SFSWAP: variants seen among roughly 807,000 people sequenced by gnomAD.
The protein encoded by SFSWAP is splicing factor SWAP, also known as splicing factor, suppressor of white-apricot homolog.
SFSWAP carries 17 observed loss-of-function variants against 100.7 expected under a neutral mutation model. The observed-to-expected ratio is 0.17, with a 90% confidence interval of 0.12 to 0.25. The LOEUF is 0.25. Among genes scored for constraint, SFSWAP ranks in the 10% least tolerant of loss-of-function variants. The pLI, the probability that SFSWAP is intolerant of heterozygous loss-of-function variation, is 1.00. For synonymous variants in SFSWAP, 504 were observed against 510.1 expected (o/e 0.99, Z 0.16); for missense variants, 1,005 against 1,262.6 (o/e 0.80, Z 3.09).
At chr12:131,797,501 C>T (rs1358190116) in intron 16 of SFSWAP, 141 bp downstream of exon 16, 1 of 728,848 alleles carries the variant, frequency 1.4e-6, no homozygotes, top group African/African-American at 1.8e-5. Flanking sequence ...ACCGCACCCC[C>T]TCTAGCAAGG....
chr12:131,778,060 C>T lies in SFSWAP; in HGVS notation c.2143-5C>T. On this transcript the variant is annotated splice_region_variant and splice_polypyrimidine_tract_variant and intron_variant, in intron 13 of 17. Coordinates refer to ENST00000261674, the MANE Select transcript of SFSWAP (RefSeq NM_004592.4). The surrounding 1 kb of genome is among the most constrained non-coding windows in gnomAD (Gnocchi z 4.2). ...TTAACACCCAGATTTTCCTTTTATT[C>T]TTAGGAATCCAGCACTACGCCCTGC... 4.4e-6 allele frequency: 7 copies of T among 1,594,354 alleles called. No homozygotes were observed. The highest frequency in any genetic ancestry group is 5.1e-6 in the Non-Finnish European group (6 of 1,173,666).
At chr12:131,777,168 T>C (rs1884091738) in intron 13 of SFSWAP, among the ~76,000 whole-genome samples, 1 of 152,156 alleles carries the variant, frequency 6.6e-6, no homozygotes, top group African/African-American at 2.4e-5. Context: ...ATACTTTAAG[T>C]TTTAGGGTAC....
chr12:131,789,916 T>C (rs984469710), intron 15 of SFSWAP, among the ~76,000 whole-genome samples: 5 of 152,218 alleles, frequency 3.3e-5, no homozygotes, highest in Admixed American at 6.5e-5. Flanking sequence ...AGTCTGCATC[T>C]GCCCCTTCGT....
chr12:131,764,416 C>G, intron 11 of SFSWAP, 40 bp from the exon 12 acceptor site: 2 of 1,549,622 alleles, frequency 1.3e-6, no homozygotes, highest in African/African-American at 2.7e-5. Context: ...AAGATTTCCA[C>G]TCTGTAACAT....
At chr12:131,786,723 C>A (rs929513531) in intron 15 of SFSWAP, 135 bp downstream of exon 15, 11 of 902,658 alleles carry the variant, frequency 1.2e-5, no homozygotes, top group Non-Finnish European at 1.8e-5. Context: ...CCACCACCCC[C>A]CCACCCCCAG....
At chr12:131,768,940 A>G (rs1883347112) in intron 13 of SFSWAP, among the ~76,000 whole-genome samples, 1 of 152,158 alleles carries the variant, frequency 6.6e-6, no homozygotes, top group South Asian at 2.1e-4. Context: ...TCTGGGGTCA[A>G]CATGGTGAAA....
At chr12:131,779,800 T>G (rs1297288162) in intron 14 of SFSWAP, among the ~76,000 whole-genome samples, 3 of 152,272 alleles carry the variant, frequency 2.0e-5, no homozygotes, top group African/African-American at 7.2e-5. Flanking sequence ...ATTTATTTAT[T>G]TAGAGACGGA....
chr12:131,792,573 G>GT (rs1885343859), intron 15 of SFSWAP, among the ~76,000 whole-genome samples: 1 of 150,890 alleles, frequency 6.6e-6, no homozygotes, highest in South Asian at 2.1e-4. Context: ...GATCAGTACT[G>GT]GTGTGCATGC....
intron 7 of SFSWAP, among the ~76,000 whole-genome samples, chr12:131,752,617 C>T (rs1881760480): frequency 6.6e-6 from 1 of 152,182 alleles, no homozygotes; most frequent in Middle Eastern, 3.2e-3. Context: ...GGAGCAGCTG[C>T]CTTACTGAGG....
chr12:131,756,760 C>A, intron 11 of SFSWAP, 116 bp downstream of exon 11: 1 of 894,288 alleles, frequency 1.1e-6, no homozygotes, highest in Non-Finnish European at 1.7e-6. Context: ...GGGTTGGCGG[C>A]CCCCTGGAGG....
intron 4 of SFSWAP, among the ~76,000 whole-genome samples, chr12:131,721,462 G>A (rs1593111313): frequency 6.6e-6 from 1 of 152,106 alleles, no homozygotes; most frequent in African/African-American, 2.4e-5. Context: ...ATGCATGAGA[G>A]ACACATTAAC....
Position 131,726,979 on chromosome 12 carries a change from A to G in SFSWAP, c.872A>G (p.Glu291Gly). The G allele has an allele frequency of 6.2e-7, 1 of 1,607,540 alleles. No individual in the cohort carries two copies. Among genetic ancestry groups the G allele is most frequent in the African/African-American group, 1.3e-5 (1 of 74,764 alleles). Residue 291 changes from glutamate (E) to glycine (G), a missense_variant, in exon 6 of 18, where the codon GAA becomes GGA. Physicochemically the swap from Glu to Gly is moderately conservative, Grantham distance 98 (BLOSUM62 -2). Around this residue, in one of 7 missense-constraint regions of SFSWAP, gnomAD observed 54 missense variants for 51.9 expected, o/e 1.04. Transcript: ENST00000261674. ...VSSDNEDDDD[E>G]EDGNYLHPSL... ...TCTGACAATGAAGATGATGATGATG[A>G]AGAAGATGGGAATTACCTTCATCCC...
intron 10 of SFSWAP, among the ~76,000 whole-genome samples, chr12:131,755,908 T>C (rs796592300): frequency 5.5e-4 from 84 of 152,378 alleles, no homozygotes; most frequent in African/African-American, 1.9e-3. Context: ...CCTCTGCCTG[T>C]GCCTGCACGC....
chr12:131,778,420 A>G lies in SFSWAP; in HGVS notation c.2408+90A>G. 1 of 1,532,016 alleles carries G rather than the reference A, an allele frequency of 6.5e-7. No homozygotes were observed. Among genetic ancestry groups the G allele is most frequent in the Non-Finnish European group, 8.7e-7 (1 of 1,143,024 alleles). 94.9% of individuals were successfully genotyped at this position (1,532,016 alleles called of 1,614,324 possible). On this transcript the variant is annotated intron_variant, in intron 14 of 17. Coordinates refer to ENST00000261674, the MANE Select transcript of SFSWAP (RefSeq NM_004592.4). This position sits in a 1 kb window ranked among gnomAD's most constrained non-coding sequence, Gnocchi z 4.2. The stretch of plus-strand genomic sequence containing the variant: ...AGTAGAGCTAGGTAGAACGTTTAAA[A>G]TCAGTGCCGCTTTCATTAAGCAGAC...
intron 7 of SFSWAP, among the ~76,000 whole-genome samples, chr12:131,740,689 CTATT>C (rs1438158113): frequency 1.3e-5 from 2 of 152,144 alleles, no homozygotes; most frequent in African/African-American, 4.8e-5. Context: ...TCAGCCATGT[CTATT>C]TATTCCTTGT....
At chr12:131,752,029 T>C (rs552181497) in intron 7 of SFSWAP, among the ~76,000 whole-genome samples, 46 of 152,228 alleles carry the variant, frequency 3.0e-4, no homozygotes, top group Non-Finnish European at 6.0e-4. Flanking sequence ...AAATAAGTCA[T>C]TAGCAGCTGG....
chr12:131,777,095 ATC>A (rs1884085182), intron 13 of SFSWAP, among the ~76,000 whole-genome samples: 1 of 152,106 alleles, frequency 6.6e-6, no homozygotes, highest in Non-Finnish European at 1.5e-5. Flanking sequence ...GGTTTGAGGA[ATC>A]TCTCCTCTGG....
chr12:131,778,281 A>G lies in SFSWAP; in HGVS notation c.2359A>G (p.Lys787Glu). 2.5e-6 allele frequency: 4 copies of G among 1,614,196 alleles called. No homozygotes were observed. The highest frequency in any genetic ancestry group is 1.1e-5 in the South Asian group (1 of 91,082). ...SSKSRSRSHS[K>E]AKHSLPSAYR... is the part of the protein sequence containing the mutation. ...CAAGTCCAGGTCTAGATCACACTCA[A>G]AAGCAAAGCATTCTCTTCCCAGTGC... Residue 787 changes from lysine (K) to glutamate (E), a missense_variant, in exon 14 of 18, where the codon AAA (lysine) becomes GAA (glutamate). By Grantham distance (56) the Lys-to-Glu change is moderately conservative (BLOSUM62 1). This residue lies in a region of SFSWAP where 295 missense variants were observed against 347.9 expected (regional missense o/e 0.85). Transcript: ENST00000261674. The surrounding 1 kb of genome is among the most constrained non-coding windows in gnomAD (Gnocchi z 4.2).
rs556443159 is a variant in SFSWAP at position 131,734,973 on chromosome 12, C to T, written c.1081+6545C>T. On this transcript the variant is annotated intron_variant, in intron 7 of 17. Transcript: ENST00000261674. The surrounding 1 kb of genome is among the most constrained non-coding windows in gnomAD (Gnocchi z 4.9). ...ACAGGTCAGGCCGGAAGCGACTGTC[C>T]GTGAAGGTGACGCTCATACCGTAAC... Among the ~76,000 whole-genome samples the T allele has an allele frequency of 1.4e-4, 22 of 152,236 alleles. No homozygotes were observed. The South Asian group carries it at 2.3e-3, about 16-fold the overall frequency.
Sources: gnomAD v4.1 joint callset for allele counts (sites outside exome capture counted in the v4.1 genomes callset) on GRCh38, gnomAD v4.1.1 for gene constraint, gnomAD v4.1.1 regional missense constraint, Gnocchi (gnomAD v3.1) non-coding constraint, MANE v1.5 for transcripts, NCBI Gene and HGNC (gene_info 2026-07-23, HGNC 2026-07-21) for gene names.